Variants in C2orf49 observed in about 807,000 individuals in gnomAD.
C2orf49 encodes tRNA splicing ligase complex subunit 2.
In C2orf49, 11 loss-of-function variants were observed where a neutral mutation model predicts 20.6. That is an observed-to-expected ratio of 0.53 (90% CI 0.34 to 0.88). The LOEUF is 0.88. C2orf49 is among the 40% of genes least tolerant of loss of function. C2orf49 has a pLI of 0.02. For missense variants in C2orf49, 289 were observed against 274.2 expected (o/e 1.05, Z -0.38); for synonymous variants, 134 against 108.5 (o/e 1.24, Z -1.46).
At chr2:105,338,355 A>G (rs1458894738) in intron 1 of C2orf49, among the ~76,000 whole-genome samples, 1 of 152,140 alleles carries the variant, frequency 6.6e-6, no homozygotes, top group Non-Finnish European at 1.5e-5. Context: ...TTAGTACCCT[A>G]TCTTTGTTGA....
downstream of C2orf49, among the ~76,000 whole-genome samples, chr2:105,351,400 C>G (rs542300731): frequency 5.0e-5 from 7 of 141,054 alleles, no homozygotes; most frequent in Admixed American, 3.9e-4. Context: ...TTAAGGAATG[C>G]AGAGTTACTT....
intron 3 of C2orf49, 60 bp downstream of exon 3, chr2:105,343,283 C>T (rs1679722522): frequency 2.0e-6 from 3 of 1,496,280 alleles, no homozygotes; most frequent in African/African-American, 1.4e-5. Flanking sequence ...GAGCAGTCTG[C>T]CTCATGACGG....
the C2orf49 span, chr2:105,361,317 T>C: frequency 6.2e-7 from 1 of 1,614,130 alleles, no homozygotes; most frequent in Non-Finnish European, 8.5e-7. Flanking sequence ...GCACAGGATG[T>C]CGTCCCTCTC....
the C2orf49 span, chr2:105,361,042 C>A: frequency 2.6e-6 from 1 of 389,624 alleles, no homozygotes; most frequent in Non-Finnish European, 4.6e-6. Flanking sequence ...GTGTGCCTTA[C>A]TCGATTACAA....
chr2:105,341,203 A>T (rs1679657264), intron 2 of C2orf49, among the ~76,000 whole-genome samples: 1 of 152,192 alleles, frequency 6.6e-6, no homozygotes, highest in African/African-American at 2.4e-5. Flanking sequence ...TTTCCTCTTG[A>T]TCAGCACATT....
At position 105,343,079 on chromosome 2, in the gene C2orf49, CAAT is replaced by C. The variant is rs1353451005; in HGVS notation, c.505_507del (p.Asn169del). The C allele has an allele frequency of 6.2e-7, 1 of 1,614,172 alleles. No individual in the cohort carries two copies. The highest frequency in any genetic ancestry group is 8.5e-7 in the Non-Finnish European group (1 of 1,180,030). Reference sequence around the variant, plus strand: ...TGCCTGTGAACAATAAAACGGAACACAATAATAATGACGCTAAACAGAACCATG... The same window carrying C: ...TGCCTGTGAACAATAAAACGGAACACAATAATGACGCTAAACAGAACCATG... On this transcript the variant is annotated inframe_deletion, in exon 3 of 4. Coordinates refer to ENST00000258457, the MANE Select transcript of C2orf49 (RefSeq NM_024093.3).
chr2:105,366,910 T>C, the C2orf49 span, among the ~76,000 whole-genome samples: 16 of 152,198 alleles, frequency 1.1e-4, no homozygotes, highest in African/African-American at 3.9e-4. Flanking sequence ...CACACCCAGC[T>C]AAGTTGTGTA....
the C2orf49 span, among the ~76,000 whole-genome samples, chr2:105,372,974 CA>C: frequency 6.6e-6 from 1 of 152,156 alleles, no homozygotes; most frequent in East Asian, 1.9e-4. Context: ...CATACACACA[CA>C]AAAAAACCAT....
At chr2:105,385,519 A>C in the C2orf49 span, among the ~76,000 whole-genome samples, 1 of 152,232 alleles carries the variant, frequency 6.6e-6, no homozygotes, top group East Asian at 1.9e-4. Flanking sequence ...CTTGGTGCCC[A>C]TTCAGTTGGG....
the C2orf49 span, among the ~76,000 whole-genome samples, chr2:105,367,022 C>A: frequency 6.6e-6 from 1 of 152,224 alleles, no homozygotes; most frequent in Non-Finnish European, 1.5e-5. Flanking sequence ...GATCCACCAG[C>A]CTTGGCCTCC....
Position 105,348,751 on chromosome 2 carries a change from CAG to C in C2orf49, c.*3382_*3383del, listed in dbSNP as rs773941722. On this transcript the variant is annotated 3_prime_UTR_variant, in exon 4 of 4. Coordinates refer to ENST00000258457, the MANE Select transcript of C2orf49 (RefSeq NM_024093.3). Reference sequence around the variant, plus strand: ...GTAGTCTTATCCTTATTTAAATAAACAGAATAAAATTACCTTGAGTAGGTCTG... The same window carrying C: ...GTAGTCTTATCCTTATTTAAATAAACAATAAAATTACCTTGAGTAGGTCTG... 1 of 152,100 alleles carries C rather than the reference CAG, an allele frequency of 6.6e-6. No homozygotes were observed. Among genetic ancestry groups the C allele is most frequent in the South Asian group, 2.1e-4 (1 of 4,812 alleles). The allele number at this position is 152,100 out of a possible 1,614,324, so 9.4% of individuals were successfully genotyped here.
chr2:105,364,375 C>T, the C2orf49 span, among the ~76,000 whole-genome samples: 16 of 152,296 alleles, frequency 1.1e-4, no homozygotes, highest in Middle Eastern at 3.4e-3. Context: ...AAAGGACAGC[C>T]GGGACTAGCA....
intron 3 of C2orf49, among the ~76,000 whole-genome samples, chr2:105,344,746 A>ATTT (rs563406363): frequency 1.4e-4 from 21 of 145,284 alleles, no homozygotes; most frequent in African/African-American, 5.3e-4. Flanking sequence ...CACCCAGCTA[A>ATTT]TTTTTTTTTT....
At chr2:105,350,662 G>A (rs1169061189), downstream of C2orf49, among the ~76,000 whole-genome samples, 1 of 152,158 alleles carries the variant, frequency 6.6e-6, no homozygotes, top group Non-Finnish European at 1.5e-5. Context: ...AAAGACAAAT[G>A]CTTTTCATAA....
rs985423559 is a variant in C2orf49 at position 105,348,960 on chromosome 2, G to A, written c.*3589G>A. The A allele has an allele frequency of 6.6e-6, 1 of 152,134 alleles. No homozygotes were observed. The highest frequency in any genetic ancestry group is 1.5e-5 in the Non-Finnish European group (1 of 68,018). 9.4% of individuals were successfully genotyped at this position (152,134 alleles called of 1,614,324 possible). On this transcript the variant is annotated 3_prime_UTR_variant, in exon 4 of 4. Transcript: ENST00000258457. ...TTCTTTGAATGAGAGGGTGGCTGGA[G>A]TGGTCTGGTGCTGGGATATCACGGT...
At chr2:105,342,766 C>G (rs1679704290) in intron 2 of C2orf49, 82 bp from the exon 3 acceptor site, 2 of 1,411,238 alleles carry the variant, frequency 1.4e-6, no homozygotes, top group South Asian at 1.5e-5. Context: ...TTTTTGTTTA[C>G]TGCTTATTTT....
chr2:105,350,081 T>G (rs911657524), downstream of C2orf49, among the ~76,000 whole-genome samples: 1 of 152,214 alleles, frequency 6.6e-6, no homozygotes, highest in African/African-American at 2.4e-5. Flanking sequence ...ATGTGACCAC[T>G]AGTCACCTAT....
rs1384990281 is a variant in C2orf49 at position 105,339,750 on chromosome 2, G to A, written c.266+1G>A. 1 of 1,577,702 alleles carries A rather than the reference G, an allele frequency of 6.3e-7. No individual in the cohort carries two copies. Among genetic ancestry groups the A allele is most frequent in the Non-Finnish European group, 8.6e-7 (1 of 1,168,422 alleles). ...ATGAGATTAAAAATGAGACTAAAAG[G>A]TACTTTTTGGTGGTTCTAGCTTTCA... On this transcript the variant is annotated splice_donor_variant, in intron 2 of 3. Coordinates refer to ENST00000258457, the MANE Select transcript of C2orf49 (RefSeq NM_024093.3). LOFTEE classifies it high-confidence loss of function.
intron 1 of C2orf49, among the ~76,000 whole-genome samples, chr2:105,338,534 C>G (rs1679569681): frequency 6.6e-6 from 1 of 152,150 alleles, no homozygotes; most frequent in South Asian, 2.1e-4. Flanking sequence ...GGCCCGAAAT[C>G]TTGCATTTTT....
Sources: gnomAD v4.1 joint callset for allele counts (sites outside exome capture counted in the v4.1 genomes callset) on GRCh38, gnomAD v4.1.1 for gene constraint, MANE v1.5 for transcripts, NCBI Gene and HGNC (gene_info 2026-07-23, HGNC 2026-07-21) for gene names.